The following MAN2A1 variants were observed in gnomAD, a reference collection of about 807,000 sequenced individuals.
MAN2A1 encodes mannosidase alpha class 2A member 1.
Under a neutral mutation model 142.6 loss-of-function variants are expected in MAN2A1, and 76 were observed. That is an observed-to-expected ratio of 0.53 (90% CI 0.44 to 0.65). MAN2A1 has a LOEUF of 0.65. Ranked by LOEUF, MAN2A1 falls within the 30% of genes least tolerant of loss-of-function variation. MAN2A1 has a pLI of 0.00. For synonymous variants in MAN2A1, 559 were observed against 473.2 expected, an observed-to-expected ratio of 1.18 and a Z score of -2.35; for missense variants, 1,311 against 1,365.1, an observed-to-expected ratio of 0.96 and a Z score of 0.62.
At chr5:109,815,270 G>A (rs901231427) in intron 12 of MAN2A1, among the ~76,000 whole-genome samples, 1 of 152,176 alleles carries the variant, frequency 6.6e-6, no homozygotes, top group African/African-American at 2.4e-5. Context: ...GCTGCAAATA[G>A]ATTGACAAAT....
intron 17 of MAN2A1, among the ~76,000 whole-genome samples, chr5:109,845,448 T>C (rs774378867): frequency 2.0e-5 from 3 of 152,148 alleles, no homozygotes; most frequent in Non-Finnish European, 4.4e-5. Flanking sequence ...AATTCAAGAA[T>C]AATAAGAGAT....
chr5:109,792,326 T>C (rs768461637), intron 12 of MAN2A1, among the ~76,000 whole-genome samples: 2 of 152,206 alleles, frequency 1.3e-5, no homozygotes, highest in Non-Finnish European at 2.9e-5. Context: ...TTTTTTCTCA[T>C]CTGTGAAATG....
chr5:109,820,409 AAGTG>A (rs1218301929), intron 15 of MAN2A1, 67 bp downstream of exon 15: 12 of 1,424,174 alleles, frequency 8.4e-6, no homozygotes, highest in Non-Finnish European at 1.2e-5. Flanking sequence ...GGAAAAAGAT[AAGTG>A]AGTGTCATTA....
rs903869080 is a variant in MAN2A1, at chr5:109,867,249, A to G, written c.*251A>G. 10 of 267,376 alleles carry G rather than the reference A, an allele frequency of 3.7e-5. No homozygotes were observed. The highest frequency in any genetic ancestry group is 2.2e-4 in the African/African-American group (10 of 45,018). The allele number at this position is 267,376 out of a possible 1,614,324, so 16.6% of individuals were successfully genotyped here. A position where few individuals can be genotyped will look rare whatever the true frequency, so the allele number is the denominator to read the frequency against. ...GAACTACCACCATCAGTATGAATTG[A>G]TGCAACAAATGAAGAAATATTTAAA... is the stretch of plus-strand genomic sequence containing the variant. On this transcript the variant is annotated 3_prime_UTR_variant, in exon 22 of 22. Coordinates refer to ENST00000261483, the MANE Select transcript of MAN2A1 (RefSeq NM_002372.4).
In MAN2A1 at chr5:109,867,509, C is replaced by T. The variant is rs553783086; in HGVS notation, c.*511C>T. ...TTGAAATAAGTGGAAAAGTGCAATC[C>T]ATCCACCCTTATGATTAACGTAGAT... On this transcript the variant is annotated 3_prime_UTR_variant, in exon 22 of 22. Transcript: ENST00000261483. 1 of 152,718 alleles carries T rather than the reference C, an allele frequency of 6.5e-6. No homozygotes were observed. The highest frequency in any genetic ancestry group is 2.1e-4 in the South Asian group (1 of 4,816). 9.5% of individuals were successfully genotyped at this position (152,718 alleles called of 1,614,324 possible).
chr5:109,746,739 G>A (rs1752417682), intron 4 of MAN2A1, among the ~76,000 whole-genome samples: 1 of 152,118 alleles, frequency 6.6e-6, no homozygotes, highest in South Asian at 2.1e-4. Context: ...CACCCCAAAT[G>A]CAAACTTTGT....
At chr5:109,801,566 A>T (rs569905118) in intron 12 of MAN2A1, among the ~76,000 whole-genome samples, 1 of 152,286 alleles carries the variant, frequency 6.6e-6, no homozygotes, top group South Asian at 2.1e-4. Flanking sequence ...TTGGGTAGGA[A>T]GGAGCAGCAT....
Position 109,816,003 on chromosome 5 carries a change from T to C in MAN2A1, c.1944-1270T>C, listed in dbSNP as rs184484889. 3.9e-5 allele frequency among the ~76,000 whole-genome samples: 6 copies of C among 152,338 alleles called. No homozygotes were observed. The East Asian group carries it at 1.2e-3, about 29-fold the overall frequency. Reference sequence around the variant, plus strand: ...AAGACAATATGATGCAAATTGATTATAAATTATAAAATCATAAACCTTGCA... The same window carrying C: ...AAGACAATATGATGCAAATTGATTACAAATTATAAAATCATAAACCTTGCA... On this transcript the variant is annotated intron_variant, in intron 12 of 21. Coordinates refer to ENST00000261483, the MANE Select transcript of MAN2A1 (RefSeq NM_002372.4).
chr5:109,733,960 T>C (rs1338277295), intron 4 of MAN2A1, among the ~76,000 whole-genome samples: 3 of 152,170 alleles, frequency 2.0e-5, no homozygotes, highest in Middle Eastern at 3.2e-3. Context: ...CTTGTACTTC[T>C]GGTAGAATTC....
At position 109,842,806 on chromosome 5, in the gene MAN2A1, GTTTT is replaced by G. The variant is rs768238978; in HGVS notation, c.2700+359_2700+362del. ...GGGATTGATGGATTATACTTATTGG[GTTTT>G]TTTTTTTTTTTTTGAGAAAGAGTCT... On this transcript the variant is annotated intron_variant, in intron 17 of 21. Transcript: ENST00000261483. Among the ~76,000 whole-genome samples the G allele has an allele frequency of 1.7e-5, 2 of 116,212 alleles. 1 individual carries two copies. The highest frequency in any genetic ancestry group is 6.8e-4 in the South Asian group (2 of 2,942). 76.2% of individuals were successfully genotyped at this position (116,212 alleles called of 152,430 possible). A position where few individuals can be genotyped will look rare whatever the true frequency, so the allele number is the denominator to read the frequency against.
intron 16 of MAN2A1, among the ~76,000 whole-genome samples, chr5:109,838,042 A>G (rs1419456529): frequency 1.3e-5 from 2 of 151,822 alleles, no homozygotes; most frequent in Admixed American, 1.3e-4. Context: ...TGAGAAGCTA[A>G]CATTCTGTAG....
At chr5:109,797,272 G>T (rs1753888903) in intron 12 of MAN2A1, among the ~76,000 whole-genome samples, 1 of 151,792 alleles carries the variant, frequency 6.6e-6, no homozygotes, top group African/African-American at 2.4e-5. Context: ...AAAAAAAGAG[G>T]ACCTGGAACT....
intron 12 of MAN2A1, among the ~76,000 whole-genome samples, chr5:109,813,865 G>A (rs1754384618): frequency 6.6e-6 from 1 of 152,180 alleles, no homozygotes; most frequent in Non-Finnish European, 1.5e-5. Context: ...CAGTTTGATA[G>A]GAGCATACAG....
intron 16 of MAN2A1, among the ~76,000 whole-genome samples, chr5:109,830,333 A>G (rs1233961218): frequency 6.6e-6 from 1 of 152,204 alleles, no homozygotes; most frequent in Non-Finnish European, 1.5e-5. Context: ...TTCTTAATCT[A>G]TAAAAAAGGT....
At chr5:109,823,877 T>C (rs111907248) in intron 16 of MAN2A1, 40 bp downstream of exon 16, 249 of 999,112 alleles carry the variant, frequency 2.5e-4, no homozygotes, top group Non-Finnish European at 3.3e-4. Flanking sequence ...ATATGTATTA[T>C]GGTTTTTGAA....
Position 109,867,025 on chromosome 5 carries a change from A to G in MAN2A1, c.*27A>G, listed in dbSNP as rs372335970. The G allele has an allele frequency of 1.9e-6, 3 of 1,598,792 alleles. No homozygotes were observed. Among genetic ancestry groups the G allele is most frequent in the Non-Finnish European group, 2.6e-6 (3 of 1,172,030 alleles). ...CCTGACTTTCACATTTGGATTGAGA[A>G]TCATTGGCTTTTATACCTTTCTTGG... On this transcript the variant is annotated 3_prime_UTR_variant, in exon 22 of 22. Transcript: ENST00000261483.
At chr5:109,846,750 C>T (rs1280447693) in intron 18 of MAN2A1, among the ~76,000 whole-genome samples, 1 of 152,226 alleles carries the variant, frequency 6.6e-6, no homozygotes, top group African/African-American at 2.4e-5. Flanking sequence ...TTACATGAGG[C>T]GTATACATGC....
intron 3 of MAN2A1, among the ~76,000 whole-genome samples, chr5:109,721,088 C>G (rs1056249838): frequency 6.6e-6 from 1 of 151,958 alleles, no homozygotes; most frequent in African/African-American, 2.4e-5. Context: ...ATTTTTTAAC[C>G]CTGAAAAGTG....
At chr5:109,817,249 A>G (rs769578357) in intron 12 of MAN2A1, 24 bp from the exon 13 acceptor site, 3 of 1,609,560 alleles carry the variant, frequency 1.9e-6, no homozygotes, top group African/African-American at 1.3e-5. Flanking sequence ...TGAGATCCCA[A>G]TAATGAAGCA....
Sources: allele counts gnomAD v4.1 joint callset (sites outside exome capture counted in the v4.1 genomes callset), GRCh38; gene constraint gnomAD v4.1.1; transcripts MANE v1.5; gene names NCBI Gene and HGNC (gene_info 2026-07-23, HGNC 2026-07-21).